ELOA: variants seen among roughly 807,000 people sequenced by gnomAD.
ELOA encodes the protein elongin A, also known as elongin-A.
ELOA carries 15 observed loss-of-function variants against 85.2 expected under a neutral mutation model. That is an observed-to-expected ratio of 0.18 (90% CI 0.12 to 0.27). The LOEUF (loss-of-function observed/expected upper bound fraction) is 0.27. Among genes scored for constraint, ELOA ranks in the 10% least tolerant of loss-of-function variants. The pLI is 1.00. For missense variants in ELOA, 769 were observed against 952.7 expected (o/e 0.81, Z 2.54); for synonymous variants, 348 against 357.2 (o/e 0.97, Z 0.29).
rs1477069180 is a variant in ELOA at position 23,751,857 on chromosome 1, A to G, written c.1252A>G (p.Lys418Glu). ...CTACCTCAGCTATGACCAGCCCCGG[A>G]AGAAAAAGAAAAAGATTGTGAAAAC... Reference protein sequence around the residue: ...ESYLSYDQPRKKKKKIVKTSA... With the variant: ...ESYLSYDQPREKKKKIVKTSA... Residue 418 changes from lysine to glutamate, a missense_variant, in exon 4 of 11, where the codon AAG becomes GAG. Physicochemically the swap from Lys to Glu is moderately conservative, Grantham distance 56 (BLOSUM62 1). Around this residue, in one of 4 missense-constraint regions of ELOA, gnomAD observed 193 missense variants for 278.9 expected, o/e 0.69. Transcript: ENST00000613537. The G allele has an allele frequency of 6.2e-7, 1 of 1,613,856 alleles. No individual in the cohort carries two copies. The highest frequency in any genetic ancestry group is 8.5e-7 in the Non-Finnish European group (1 of 1,179,996).
In ELOA at chr1:23,752,009, T is replaced by C. The variant is rs114203638; in HGVS notation, c.1404T>C (p.Ala468=). Residue 468 remains alanine (A), a synonymous_variant, in exon 4 of 11, where the codon GCT becomes GCC. Coordinates refer to ENST00000613537, the MANE Select transcript of ELOA (RefSeq NM_003198.3). ...CCAAGTCAGAGAAGCCGGCTGGAGCTGATTTAGCCAAGCTGAGAAAGGTAA... is the reference window on the plus strand; with the variant it reads ...CCAAGTCAGAGAAGCCGGCTGGAGCCGATTTAGCCAAGCTGAGAAAGGTAA... ...NKTKSEKPAG[A]DLAKLRKVPD... The C allele has an allele frequency of 7.4e-5, 118 of 1,600,396 alleles. 1 individual carries two copies. The African/African-American group carries it at 1.5e-3, about 20-fold the overall frequency.
chr1:23,754,930 C>T (rs927661586), intron 7 of ELOA, among the ~76,000 whole-genome samples: 2 of 151,010 alleles, frequency 1.3e-5, no homozygotes, highest in Non-Finnish European at 2.9e-5. Flanking sequence ...AGTTCTATGA[C>T]CTAACACCTT....
intron 4 of ELOA, 148 bp from the exon 5 acceptor site, chr1:23,752,258 AC>A (rs1644774774): frequency 1.2e-6 from 1 of 808,936 alleles, no homozygotes; most frequent in Non-Finnish European, 2.0e-6. Context: ...TTATTTCCTG[AC>A]TGAGGTGGTG....
chr1:23,746,587 A>G lies in ELOA; in HGVS notation c.76-2434A>G, dbSNP rs1321444060. On this transcript the variant is annotated intron_variant, in intron 1 of 10. Coordinates refer to ENST00000613537, the MANE Select transcript of ELOA (RefSeq NM_003198.3). ...GCACCATTGCACTCCAGCCTGGACA[A>G]CAAGAGCAAAACTCCATCTCCAAAA... 2.0e-5 allele frequency among the ~76,000 whole-genome samples: 3 copies of G among 148,302 alleles called. No homozygotes were observed. The East Asian group carries it at 5.9e-4, about 29-fold the overall frequency.
chr1:23,752,579 G>T, intron 5 of ELOA, 61 bp downstream of exon 5: 1 of 1,492,170 alleles, frequency 6.7e-7, no homozygotes, highest in South Asian at 1.2e-5. Context: ...ATTCAAGGCA[G>T]GGTACAGTGG....
chr1:23,743,578 G>C lies in ELOA; in HGVS notation c.75G>C (p.Lys25Asn), dbSNP rs1400343325. ...ARLAANPDPK[K>N]LLKYLKKLST... Reference sequence around the variant, plus strand: ...TGGCCGCGAACCCGGACCCTAAGAAGGTAAGCGAGGGGGCGGCGCGTAGCG... The same window carrying C: ...TGGCCGCGAACCCGGACCCTAAGAACGTAAGCGAGGGGGCGGCGCGTAGCG... Residue 25 changes from lysine to asparagine, a missense_variant and splice_region_variant, in exon 1 of 11, where the codon AAG becomes AAC. Physicochemically the swap from Lys to Asn is moderately conservative, Grantham distance 94. Around this residue, in one of 4 missense-constraint regions of ELOA, gnomAD observed 440 missense variants for 474.0 expected, o/e 0.93. Transcript: ENST00000613537. The C allele has an allele frequency of 6.7e-7, 1 of 1,485,594 alleles. No individual in the cohort carries two copies. The highest frequency in any genetic ancestry group is 1.5e-5 in the African/African-American group (1 of 68,684). The allele number at this position is 1,485,594 out of a possible 1,614,324, so 92.0% of individuals were successfully genotyped here. A position where few individuals can be genotyped will look rare whatever the true frequency, so the allele number is the denominator to read the frequency against.
In ELOA at chr1:23,755,957, G is replaced by A. The variant is rs1490493510; in HGVS notation, c.1906G>A (p.Ala636Thr). The A allele has an allele frequency of 4.3e-6, 7 of 1,613,756 alleles. No individual in the cohort carries two copies. The highest frequency in any genetic ancestry group is 1.7e-5 in the Admixed American group (1 of 59,948). Residue 636 changes from alanine to threonine, a missense_variant, in exon 8 of 11, where the codon GCC becomes ACC. Coordinates refer to ENST00000613537, the MANE Select transcript of ELOA (RefSeq NM_003198.3). ...AGAGATGTACCTGCGGCTTCAGGACGCCCGAGAGCAGCGGCTACGAGTACT... is the reference window on the plus strand; with the variant it reads ...AGAGATGTACCTGCGGCTTCAGGACACCCGAGAGCAGCGGCTACGAGTACT... ...WREMYLRLQD[A>T]REQRLRVLTK...
At chr1:23,743,885 T>G in intron 1 of ELOA, 2 of 237,272 alleles carry the variant, frequency 8.4e-6, no homozygotes, top group African/African-American at 2.3e-5. Flanking sequence ...GAGCCAGCTG[T>G]TTCCTGCGGG....
chr1:23,744,587 G>A (rs143560339), intron 1 of ELOA, among the ~76,000 whole-genome samples: 1 of 151,896 alleles, frequency 6.6e-6, no homozygotes, highest in Admixed American at 6.6e-5. Context: ...CGAGTAGCTG[G>A]TATTGTAGGC....
intron 1 of ELOA, among the ~76,000 whole-genome samples, chr1:23,743,792 C>T (rs943368762): frequency 3.9e-5 from 6 of 152,112 alleles, no homozygotes; most frequent in Non-Finnish European, 5.9e-5. Context: ...GCTCCCCCTC[C>T]CTCACGGGCC....
At chr1:23,758,283 T>A (rs1344748568) in intron 10 of ELOA, among the ~76,000 whole-genome samples, 57 of 111,978 alleles carry the variant, frequency 5.1e-4, no homozygotes, top group Admixed American at 1.8e-3. Context: ...TTTTTTTTTT[T>A]TTTTTTTGGA....
At position 23,753,700 on chromosome 1, in the gene ELOA, C is replaced by A. The variant is rs182485139; in HGVS notation, c.1538-400C>A. 2.0e-5 allele frequency among the ~76,000 whole-genome samples: 3 copies of A among 152,216 alleles called. No homozygotes were observed. The East Asian group carries it at 5.8e-4, about 29-fold the overall frequency. On this transcript the variant is annotated intron_variant, in intron 5 of 10. Transcript: ENST00000613537. Reference sequence around the variant, plus strand: ...GTAGTGAGTATGTTATTAATTGATTCATTGGCTTAAAAGGAATAAGATACA... The same window carrying A: ...GTAGTGAGTATGTTATTAATTGATTAATTGGCTTAAAAGGAATAAGATACA...
In ELOA at chr1:23,754,267, G is replaced by A. The variant is rs765944046; in HGVS notation, c.1693+12G>A. 1.2e-6 allele frequency: 2 copies of A among 1,614,136 alleles called. No individual in the cohort carries two copies. Among genetic ancestry groups the A allele is most frequent in the African/African-American group, 1.3e-5 (1 of 75,036 alleles). On this transcript the variant is annotated intron_variant, in intron 6 of 10. Coordinates refer to ENST00000613537, the MANE Select transcript of ELOA (RefSeq NM_003198.3). ...AAACAACATCGATTGTAAGTCACAC[G>A]CTTCTCTCTAGCTCTCAAGCACATT...
chr1:23,753,075 A>G (rs780030773), intron 5 of ELOA, among the ~76,000 whole-genome samples: 1 of 152,210 alleles, frequency 6.6e-6, no homozygotes, highest in Non-Finnish European at 1.5e-5. Context: ...ACTTGAGCCC[A>G]GGAGTTCAAG....
rs1638264883 is a variant in ELOA at position 23,759,674 on chromosome 1, TG to T, written c.*103del. On this transcript the variant is annotated 3_prime_UTR_variant, in exon 11 of 11. Transcript: ENST00000613537. ...TACAGGAGACTGGAGTCTTGCTTTG[TG>T]GATCCTTTTGGTCTCCGAGTCCTGC... The T allele has an allele frequency of 2.2e-6, 3 of 1,389,292 alleles. No homozygotes were observed. In the South Asian group the frequency reaches 3.6e-5, roughly 17 times the overall value. 86.1% of individuals were successfully genotyped at this position (1,389,292 alleles called of 1,614,324 possible).
Position 23,751,493 on chromosome 1 carries a change from T to C in ELOA, c.888T>C (p.Ser296=). 2 of 1,613,904 alleles carry C rather than the reference T, an allele frequency of 1.2e-6. No individual in the cohort carries two copies. Among genetic ancestry groups the C allele is most frequent in the Non-Finnish European group, 1.7e-6 (2 of 1,179,980 alleles). The change falls in exon 4 of 11, where the codon AGT becomes AGC. Residue 296 remains serine (S), a synonymous_variant. Coordinates refer to ENST00000613537, the MANE Select transcript of ELOA (RefSeq NM_003198.3). ...GDNAREKPPS[S]GVKKEKDREG... ...ATGCAAGGGAGAAACCGCCCTCTAGTGGCGTAAAGAAAGAGAAGGACAGAG... is the reference window on the plus strand; with the variant it reads ...ATGCAAGGGAGAAACCGCCCTCTAGCGGCGTAAAGAAAGAGAAGGACAGAG...
intron 1 of ELOA, 146 bp downstream of exon 1, chr1:23,743,724 A>G: frequency 8.8e-6 from 9 of 1,027,220 alleles, no homozygotes; most frequent in Non-Finnish European, 9.0e-6. Context: ...GCGGCCATTG[A>G]CCGCTGCCCG....
Position 23,756,444 on chromosome 1 carries a change from G to A in ELOA, c.2084+59G>A, listed in dbSNP as rs1412277389. 5.5e-6 allele frequency: 8 copies of A among 1,448,788 alleles called. No homozygotes were observed. In the African/African-American group the frequency reaches 1.0e-4, roughly 18 times the overall value. 89.7% of individuals were successfully genotyped at this position (1,448,788 alleles called of 1,614,324 possible). A position where few individuals can be genotyped will look rare whatever the true frequency, so the allele number is the denominator to read the frequency against. ...CTATCAACCCTTAGAGGTAGCCATA[G>A]CGGCAGGAAGCAAATTGCTTTTGGT... On this transcript the variant is annotated intron_variant, in intron 9 of 10. Transcript: ENST00000613537.
chr1:23,760,411 A>G lies in ELOA; in HGVS notation c.*838A>G, dbSNP rs1638277824. 6.6e-6 allele frequency: 1 copy of G among 151,744 alleles called. No homozygotes were observed. Among genetic ancestry groups the G allele is most frequent in the Non-Finnish European group, 1.5e-5 (1 of 67,944 alleles). The allele number at this position is 151,744 out of a possible 1,614,324, so 9.4% of individuals were successfully genotyped here. A position where few individuals can be genotyped will look rare whatever the true frequency, so the allele number is the denominator to read the frequency against. On this transcript the variant is annotated 3_prime_UTR_variant, in exon 11 of 11. Transcript: ENST00000613537. Reference sequence around the variant, plus strand: ...TTTACAATTTCCAGTTTCTGATTGAAAATTTTAGGGTTTCTCCCCACTGCC... The same window carrying G: ...TTTACAATTTCCAGTTTCTGATTGAGAATTTTAGGGTTTCTCCCCACTGCC...
Sources: allele counts gnomAD v4.1 joint callset (sites outside exome capture counted in the v4.1 genomes callset), GRCh38; gene constraint gnomAD v4.1.1; regional missense constraint gnomAD v4.1.1; transcripts MANE v1.5; gene names NCBI Gene and HGNC (gene_info 2026-07-23, HGNC 2026-07-21).